Variants in NEGR1 observed in about 807,000 individuals in gnomAD.
NEGR1 encodes the protein IgLON family member 4.
Under a neutral mutation model 40.9 loss-of-function variants are expected in NEGR1, and 10 were observed. The ratio of observed to expected loss-of-function variants is 0.24; its 90% CI spans 0.15 to 0.42. NEGR1 has a LOEUF of 0.42. Ranked by LOEUF, NEGR1 falls within the 10% of genes least tolerant of loss-of-function variation. The pLI, the probability that NEGR1 is intolerant of heterozygous loss-of-function variation, is 1.00. For synonymous variants in NEGR1, 185 were observed against 166.8 expected (o/e 1.11, Z -0.84); for missense variants, 352 against 438.9 (o/e 0.80, Z 1.77).
intron 1 of NEGR1, among the ~76,000 whole-genome samples, chr1:72,244,523 T>C (rs1654844036): frequency 6.6e-6 from 1 of 151,982 alleles, no homozygotes; most frequent in Non-Finnish European, 1.5e-5. Context: ...ATATTGTTTA[T>C]GCATCTTTTA....
intron 6 of NEGR1, among the ~76,000 whole-genome samples, chr1:71,523,475 G>T (rs556553012): frequency 6.6e-6 from 1 of 151,974 alleles, no homozygotes; most frequent in South Asian, 2.1e-4. Context: ...TTTGAAATAT[G>T]AGTATGAATA....
chr1:71,563,153 T>A (rs1194554062), intron 6 of NEGR1, among the ~76,000 whole-genome samples: 2 of 151,970 alleles, frequency 1.3e-5, no homozygotes, highest in Admixed American at 6.6e-5. Context: ...GAGTGCTTGT[T>A]CTCCATGAAA....
At chr1:71,430,219 C>T (rs1646457056) in intron 6 of NEGR1, among the ~76,000 whole-genome samples, 1 of 152,118 alleles carries the variant, frequency 6.6e-6, no homozygotes, top group Admixed American at 6.5e-5. Context: ...GCTCCTGGAT[C>T]CTGGCTCAAA....
At chr1:71,654,523 A>G (rs1193203250) in intron 4 of NEGR1, among the ~76,000 whole-genome samples, 1 of 152,208 alleles carries the variant, frequency 6.6e-6, no homozygotes, top group Non-Finnish European at 1.5e-5. Context: ...TGTTCAAAAT[A>G]AATAAACCAT....
intron 1 of NEGR1, among the ~76,000 whole-genome samples, chr1:72,058,576 C>T (rs1410972572): frequency 6.6e-6 from 1 of 151,626 alleles, no homozygotes; most frequent in Non-Finnish European, 1.5e-5. Context: ...TTTCAAATAA[C>T]AATTACCAGG....
At chr1:71,674,233 C>T (rs565683620) in intron 4 of NEGR1, among the ~76,000 whole-genome samples, 5 of 152,084 alleles carry the variant, frequency 3.3e-5, no homozygotes, top group Non-Finnish European at 5.9e-5. Context: ...CAAATGCAAA[C>T]ATCTATATAA....
At chr1:72,085,080 C>A (rs773252463) in intron 1 of NEGR1, among the ~76,000 whole-genome samples, 1 of 152,124 alleles carries the variant, frequency 6.6e-6, no homozygotes, top group Non-Finnish European at 1.5e-5. Flanking sequence ...TATCTTCCCG[C>A]TGATTGCCCA....
chr1:72,243,739 AATT>A (rs1654820538), intron 1 of NEGR1, among the ~76,000 whole-genome samples: 1 of 151,820 alleles, frequency 6.6e-6, no homozygotes, highest in South Asian at 2.1e-4. Flanking sequence ...TATCAACTAT[AATT>A]ATTAACTCTC....
At chr1:71,666,250 A>G (rs913386835) in intron 4 of NEGR1, among the ~76,000 whole-genome samples, 5 of 152,196 alleles carry the variant, frequency 3.3e-5, no homozygotes, top group African/African-American at 1.2e-4. Context: ...AAAATAGTTA[A>G]AATGCTTTTT....
At chr1:71,919,936 G>A (rs562036080) in intron 2 of NEGR1, among the ~76,000 whole-genome samples, 1 of 152,104 alleles carries the variant, frequency 6.6e-6, no homozygotes, top group Non-Finnish European at 1.5e-5. Context: ...GCTTCCCCTG[G>A]CAGCTTCTTA....
At position 72,121,703 on chromosome 1, in the gene NEGR1, G is replaced by A. The variant is rs560680226; in HGVS notation, c.176+160616C>T. ...GTCTATCAATTGATCTGTAAGAACT[G>A]TAAGAAAATGACTACACTGTGAAAG... is the stretch of plus-strand genomic sequence containing the variant. On this transcript the variant is annotated intron_variant, in intron 1 of 6. Coordinates refer to ENST00000357731, the MANE Select transcript of NEGR1 (RefSeq NM_173808.3). Among the ~76,000 whole-genome samples, 2 of 152,118 alleles carry A rather than the reference G, an allele frequency of 1.3e-5. 1 individual carries two copies. Among genetic ancestry groups the A allele is most frequent in the South Asian group, 4.1e-4 (2 of 4,822 alleles).
intron 4 of NEGR1, among the ~76,000 whole-genome samples, chr1:71,672,515 T>A (rs1198186394): frequency 6.6e-6 from 1 of 152,172 alleles, no homozygotes; most frequent in Non-Finnish European, 1.5e-5. Flanking sequence ...TAATAAATAT[T>A]TGTTAAATCA....
At chr1:71,819,978 A>C (rs1287474056) in intron 2 of NEGR1, among the ~76,000 whole-genome samples, 1 of 152,048 alleles carries the variant, frequency 6.6e-6, no homozygotes, top group African/African-American at 2.4e-5. Flanking sequence ...GAAGGGGGAC[A>C]GGCTGTTACA....
intron 1 of NEGR1, among the ~76,000 whole-genome samples, chr1:72,232,737 T>C (rs2100500684): frequency 6.6e-6 from 1 of 152,232 alleles, no homozygotes; most frequent in Admixed American, 6.5e-5. Flanking sequence ...GGGCAGAGGA[T>C]AATTATAGAG....
chr1:71,685,386 G>A (rs2101615351), intron 4 of NEGR1, among the ~76,000 whole-genome samples: 1 of 146,798 alleles, frequency 6.8e-6, no homozygotes, highest in East Asian at 2.0e-4. Context: ...GCAATGGCAT[G>A]ATCTTGGCTC....
intron 6 of NEGR1, among the ~76,000 whole-genome samples, chr1:71,557,728 T>C (rs1648299220): frequency 6.6e-6 from 1 of 151,622 alleles, no homozygotes; most frequent in Non-Finnish European, 1.5e-5. Flanking sequence ...TTATGAATTA[T>C]CATTGCAATT....
intron 1 of NEGR1, among the ~76,000 whole-genome samples, chr1:72,120,536 T>C (rs1434177617): frequency 2.0e-5 from 3 of 151,876 alleles, no homozygotes; most frequent in African/African-American, 7.3e-5. Context: ...ATACTTTAAG[T>C]TTTAGGGTAC....
chr1:72,273,468 T>C (rs1258592768), intron 1 of NEGR1, among the ~76,000 whole-genome samples: 2 of 151,974 alleles, frequency 1.3e-5, no homozygotes, highest in African/African-American at 4.8e-5. Flanking sequence ...TAATTTAAAA[T>C]CTGGGATCTT....
chr1:72,270,499 T>A (rs753049422), intron 1 of NEGR1, among the ~76,000 whole-genome samples: 19 of 151,888 alleles, frequency 1.3e-4, no homozygotes, highest in Non-Finnish European at 2.1e-4. Context: ...TAATCCTCAA[T>A]AATTATTTGC....
Sources: allele counts gnomAD v4.1 joint callset (sites outside exome capture counted in the v4.1 genomes callset), GRCh38; gene constraint gnomAD v4.1.1; transcripts MANE v1.5; gene names NCBI Gene and HGNC (gene_info 2026-07-23, HGNC 2026-07-21).